EHHADH: variants seen among roughly 807,000 people sequenced by gnomAD.
EHHADH encodes the protein peroxisomal bifunctional enzyme.
In EHHADH, 48 loss-of-function variants were observed where a neutral mutation model predicts 64.4. That is an observed-to-expected ratio of 0.75 (90% CI 0.59 to 0.95). EHHADH has a LOEUF of 0.95. Ranked by LOEUF, EHHADH falls within the 40% of genes least tolerant of loss-of-function variation. The probability of loss-of-function intolerance (pLI) is 0.00; values close to 1 mark genes in which losing one functional copy is unlikely to be tolerated. For synonymous variants in EHHADH, 308 were observed against 326.7 expected (o/e 0.94, Z 0.62); for missense variants, 854 against 876.6 (o/e 0.97, Z 0.33).
At chr3:185,197,469 C>T (rs1736679905) in intron 6 of EHHADH, among the ~76,000 whole-genome samples, 5 of 152,262 alleles carry the variant, frequency 3.3e-5, no homozygotes, top group Admixed American at 3.3e-4. Context: ...CTCTCCCCAA[C>T]CCTGGCCAAC....
chr3:185,234,790 C>A (rs1168025936), intron 3 of EHHADH, among the ~76,000 whole-genome samples: 1 of 152,170 alleles, frequency 6.6e-6, no homozygotes, highest in Non-Finnish European at 1.5e-5. Flanking sequence ...TGTTTACTTA[C>A]CAGAATGGAA....
chr3:185,226,650 C>CAAAAAAAAA (rs59522852), intron 4 of EHHADH, among the ~76,000 whole-genome samples: 2 of 133,288 alleles, frequency 1.5e-5, no homozygotes, highest in Non-Finnish European at 3.1e-5. Context: ...ACTCCATCTC[C>CAAAAAAAAA]AAAAAAAAAA....
chr3:185,242,471 C>T (rs995988412), intron 2 of EHHADH, among the ~76,000 whole-genome samples: 5 of 152,140 alleles, frequency 3.3e-5, no homozygotes, highest in African/African-American at 1.2e-4. Flanking sequence ...AAAATAGGCA[C>T]ATAGACCAAT....
intron 4 of EHHADH, among the ~76,000 whole-genome samples, chr3:185,226,654 AAAAAAAAAAAAAAG>A (rs911301744): frequency 1.2e-5 from 1 of 81,802 alleles, no homozygotes; most frequent in Non-Finnish European, 3.6e-5. Flanking sequence ...CATCTCCAAA[AAAAAAAAAAAAAAG>A]AAAGAAAGAA....
chr3:185,228,126 T>C (rs1719039491), intron 4 of EHHADH, among the ~76,000 whole-genome samples: 1 of 144,432 alleles, frequency 6.9e-6, no homozygotes, highest in African/African-American at 2.5e-5. Context: ...AACAAATATA[T>C]GGTAAACCTG....
At chr3:185,230,642 C>T (rs963405699) in intron 3 of EHHADH, among the ~76,000 whole-genome samples, 1 of 136,158 alleles carries the variant, frequency 7.3e-6, no homozygotes, top group Non-Finnish European at 1.6e-5. Flanking sequence ...AAGCCAGTCA[C>T]AGGAGACCAC....
chr3:185,251,476 G>A (rs1431120938), intron 1 of EHHADH, among the ~76,000 whole-genome samples: 4 of 152,140 alleles, frequency 2.6e-5, no homozygotes, highest in African/African-American at 9.7e-5. Flanking sequence ...CATTGTTCTG[G>A]GAGACAGGCC....
At position 185,192,898 on chromosome 3, in the gene EHHADH, G is replaced by A; in HGVS notation, c.1500C>T (p.Ser500=). The A allele has an allele frequency of 6.2e-7, 1 of 1,614,166 alleles. No homozygotes were observed. ...GCACCTGATCTACCTCCTCTGGTTT[G>A]CTGCCTTCTTCTAACAAGAAATATG... ...NQAYFLLEEG[S]KPEEVDQVLE... Residue 500 remains serine (S), a synonymous_variant, in exon 7 of 7, where the codon AGC becomes AGT. Coordinates refer to ENST00000231887, the MANE Select transcript of EHHADH (RefSeq NM_001966.4).
At chr3:185,239,586 C>T (rs567976946) in intron 2 of EHHADH, among the ~76,000 whole-genome samples, 123 of 151,998 alleles carry the variant, frequency 8.1e-4, no homozygotes, top group Non-Finnish European at 1.5e-3. Flanking sequence ...TCAGCTTGAA[C>T]GTTATTGGTG....
At chr3:185,241,241 A>G (rs1037277556) in intron 2 of EHHADH, among the ~76,000 whole-genome samples, 1 of 152,148 alleles carries the variant, frequency 6.6e-6, no homozygotes, top group Admixed American at 6.6e-5. Context: ...ACAATTTTGC[A>G]ACTGCAAATT....
At chr3:185,230,577 A>G (rs1007967263) in intron 3 of EHHADH, among the ~76,000 whole-genome samples, 1 of 151,312 alleles carries the variant, frequency 6.6e-6, no homozygotes, top group Non-Finnish European at 1.5e-5. Context: ...ACCACATATC[A>G]TATGATTCTG....
chr3:185,245,181 CTTTAA>C (rs764509237), intron 2 of EHHADH, among the ~76,000 whole-genome samples: 9 of 152,020 alleles, frequency 5.9e-5, no homozygotes, highest in African/African-American at 1.5e-4. Context: ...GTTACAATAA[CTTTAA>C]TTTATCTTGT....
intron 6 of EHHADH, among the ~76,000 whole-genome samples, chr3:185,196,641 G>GA (rs1236433894): frequency 2.0e-5 from 3 of 151,186 alleles, no homozygotes; most frequent in South Asian, 4.2e-4. Flanking sequence ...ATTCTGTCTC[G>GA]AAAAAAAAGA....
chr3:185,195,144 G>A (rs1222531756), intron 6 of EHHADH, among the ~76,000 whole-genome samples: 1 of 152,170 alleles, frequency 6.6e-6, no homozygotes, highest in Non-Finnish European at 1.5e-5. Context: ...CAGATCTTAG[G>A]AGTAAGTCTG....
intron 4 of EHHADH, among the ~76,000 whole-genome samples, 186 bp from the exon 5 acceptor site, chr3:185,218,426 T>TG (rs1433447794): frequency 6.6e-6 from 1 of 151,952 alleles, no homozygotes; most frequent in East Asian, 1.9e-4. Flanking sequence ...CCAGGAAACT[T>TG]GGATTCAAGC....
intron 6 of EHHADH, among the ~76,000 whole-genome samples, chr3:185,198,159 T>C (rs940769752): frequency 6.6e-6 from 1 of 152,084 alleles, no homozygotes; most frequent in Non-Finnish European, 1.5e-5. Flanking sequence ...ATGGCAATTT[T>C]TACCTTTTTG....
At position 185,191,209 on chromosome 3, in the gene EHHADH, C is replaced by G. The variant is rs1247070648; in HGVS notation, c.*1017G>C. The G allele has an allele frequency of 7.9e-5, 12 of 152,382 alleles. No individual in the cohort carries two copies. The highest frequency in any genetic ancestry group is 7.9e-4 in the Admixed American group (12 of 15,276). 9.4% of individuals were successfully genotyped at this position (152,382 alleles called of 1,614,324 possible). On this transcript the variant is annotated 3_prime_UTR_variant, in exon 7 of 7. Coordinates refer to ENST00000231887, the MANE Select transcript of EHHADH (RefSeq NM_001966.4). Reference sequence around the variant, plus strand: ...CTGGCCTCAAACAATCCTCCTGCCTCAGCCTCCCAAAGTGCTGGGATTACA... The same window carrying G: ...CTGGCCTCAAACAATCCTCCTGCCTGAGCCTCCCAAAGTGCTGGGATTACA...
chr3:185,192,119 G>T lies in EHHADH; in HGVS notation c.*107C>A. 8.8e-6 allele frequency: 11 copies of T among 1,254,352 alleles called. No homozygotes were observed. The highest frequency in any genetic ancestry group is 1.2e-5 in the Non-Finnish European group (11 of 898,958). The allele number at this position is 1,254,352 out of a possible 1,614,324, so 77.7% of individuals were successfully genotyped here. ...GAAGATTCTAATGATTATTTATTTTGCTTTGTATTTCAGAACAATCTTACT... is the reference window on the plus strand; with the variant it reads ...GAAGATTCTAATGATTATTTATTTTTCTTTGTATTTCAGAACAATCTTACT... On this transcript the variant is annotated 3_prime_UTR_variant, in exon 7 of 7. Transcript: ENST00000231887.
intron 4 of EHHADH, among the ~76,000 whole-genome samples, chr3:185,229,032 G>A (rs973409050): frequency 1.3e-5 from 2 of 152,130 alleles, no homozygotes; most frequent in Non-Finnish European, 2.9e-5. Flanking sequence ...CTGACCTCAA[G>A]TGATCTGCCC....
Sources: allele counts gnomAD v4.1 joint callset (sites outside exome capture counted in the v4.1 genomes callset), GRCh38; gene constraint gnomAD v4.1.1; transcripts MANE v1.5; gene names NCBI Gene and HGNC (gene_info 2026-07-23, HGNC 2026-07-21).